Variants in DYSF observed in about 807,000 individuals in gnomAD.
DYSF encodes dystrophy-associated fer-1-like 1.
DYSF carries 212 observed loss-of-function variants against 274.9 expected under a neutral mutation model. The ratio of observed to expected loss-of-function variants is 0.77; its 90% confidence interval spans 0.69 to 0.86. The LOEUF (loss-of-function observed/expected upper bound fraction) is 0.86. Among genes scored for constraint, DYSF ranks in the 40% least tolerant of loss-of-function variants. DYSF has a pLI of 0.00. For synonymous variants in DYSF, 1,091 were observed against 1,078.7 expected, an observed-to-expected ratio of 1.01 and a Z score of -0.22; for missense variants, 2,666 against 2,783.2, an observed-to-expected ratio of 0.96 and a Z score of 0.95.
chr2:71,567,877 T>C, intron 24 of DYSF, 74 bp from the exon 25 acceptor site: 1 of 1,590,056 alleles, frequency 6.3e-7, no homozygotes, highest in Non-Finnish European at 8.6e-7. Context: ...GGAGGACTCC[T>C]CCTCCCCAGC....
chr2:71,526,415 C>CGGGGGGGGGGGGGGGGGGGG, intron 13 of DYSF, 69 bp downstream of exon 13: 1 of 411,244 alleles, frequency 2.4e-6, no homozygotes, highest in East Asian at 8.3e-5. Context: ...TGGGGGTGGG[C>CGGGGGGGGGGGGGGGGGGGG]GATGGCGGGC....
At chr2:71,622,135 T>TTTTTG (rs2094120617) in intron 41 of DYSF, among the ~76,000 whole-genome samples, 1 of 138,612 alleles carries the variant, frequency 7.2e-6, no homozygotes, top group Non-Finnish European at 1.6e-5. Flanking sequence ...TCTTTGTTTT[T>TTTTTG]TTTTTTTTTT....
intron 29 of DYSF, among the ~76,000 whole-genome samples, chr2:71,572,294 C>T (rs2092537896): frequency 6.6e-6 from 1 of 150,766 alleles, no homozygotes; most frequent in Non-Finnish European, 1.5e-5. Flanking sequence ...CTAGCACACC[C>T]ACAGATCACA....
intron 1 of DYSF, among the ~76,000 whole-genome samples, chr2:71,469,783 A>C (rs1214886791): frequency 6.6e-6 from 1 of 152,232 alleles, no homozygotes; most frequent in South Asian, 2.1e-4. Flanking sequence ...TAAAACTACC[A>C]TGAGTAACTG....
At chr2:71,612,373 C>T (rs1051605139) in intron 38 of DYSF, among the ~76,000 whole-genome samples, 123 of 152,230 alleles carry the variant, frequency 8.1e-4, no homozygotes, top group Non-Finnish European at 6.6e-4. Context: ...AGTGAGGGAG[C>T]GCAGCCTCGT....
At chr2:71,578,487 A>G (rs1301253668) in intron 30 of DYSF, among the ~76,000 whole-genome samples, 1 of 152,170 alleles carries the variant, frequency 6.6e-6, no homozygotes, top group Non-Finnish European at 1.5e-5. Context: ...TGTCTGATCA[A>G]GAAGAGAGAT....
In DYSF at chr2:71,618,045, TGTGTGTGTGTGTGGTAGAGATGGG is replaced by T. The variant is rs1315375412; in HGVS notation, c.4465-2490_4465-2467del. ...GTGTGTGTGTGGTAGAGATGGTGTG[TGTGTGTGTGTGTGGTAGAGATGGG>T]GTGTGTGTGTGGTAGAGATGGGGTG... On this transcript the variant is annotated intron_variant, in intron 40 of 55. Transcript: ENST00000410020. Among the ~76,000 whole-genome samples, 5 of 101,864 alleles carry T rather than the reference TGTGTGTGTGTGTGGTAGAGATGGG, an allele frequency of 4.9e-5. 1 individual carries two copies. Among genetic ancestry groups the T allele is most frequent in the East Asian group, 3.5e-4 (1 of 2,846 alleles). The allele number at this position is 101,864 out of a possible 152,430, so 66.8% of individuals were successfully genotyped here. A position where few individuals can be genotyped will look rare whatever the true frequency, so the allele number is the denominator to read the frequency against.
chr2:71,506,273 C>T (rs1464599790), intron 4 of DYSF, among the ~76,000 whole-genome samples: 1 of 152,126 alleles, frequency 6.6e-6, no homozygotes, highest in Non-Finnish European at 1.5e-5. Context: ...AGGGTCACAG[C>T]CAGGGAGGGT....
Position 71,611,532 on chromosome 2 carries a change from T to A in DYSF, c.4127T>A (p.Val1376Glu), listed in dbSNP as rs2093761818. The change falls in exon 38 of 56, where the codon GTG (valine) becomes GAG (glutamate). Residue 1376 changes from valine (V) to glutamate (E), a missense_variant. This residue lies in a region of DYSF where 1,460 missense variants were observed against 1,502.1 expected (regional missense o/e 0.97). Transcript: ENST00000410020. Reference protein sequence around the residue: ...QLANISSPSLVVECGGQTVQS... With the variant: ...QLANISSPSLEVECGGQTVQS... ...GCCAACATCTCCTCCCCCAGCCTCG[T>A]GGTAGAGTGTGGGGGCCAGACGGTG... 30 of 1,613,666 alleles carry A rather than the reference T, an allele frequency of 1.9e-5. No individual in the cohort carries two copies. The highest frequency in any genetic ancestry group is 2.5e-5 in the Non-Finnish European group (29 of 1,179,874).
chr2:71,681,859 T>C (rs893856144), intron 54 of DYSF, among the ~76,000 whole-genome samples: 1 of 152,226 alleles, frequency 6.6e-6, no homozygotes, highest in Non-Finnish European at 1.5e-5. Context: ...ACCGTGTGCC[T>C]GAGTGCCATG....
chr2:71,598,787 G>A (rs750342257), intron 33 of DYSF, 42 bp downstream of exon 33: 3 of 1,602,244 alleles, frequency 1.9e-6, no homozygotes, highest in Admixed American at 3.3e-5. Context: ...CACAGGGAGG[G>A]ACCATGTGCA....
chr2:71,567,623 T>C (rs779490804), intron 24 of DYSF, among the ~76,000 whole-genome samples: 6 of 151,910 alleles, frequency 3.9e-5, no homozygotes, highest in Non-Finnish European at 8.8e-5. Context: ...CAGAAGAAAA[T>C]GGAAGCGAGG....
intron 41 of DYSF, among the ~76,000 whole-genome samples, chr2:71,641,480 G>T (rs1397627658): frequency 6.6e-6 from 1 of 152,096 alleles, no homozygotes; most frequent in African/African-American, 2.4e-5. Context: ...ATGGTCTTTT[G>T]AAATCTTGCT....
At chr2:71,661,051 A>G (rs1262508631) in intron 45 of DYSF, among the ~76,000 whole-genome samples, 1 of 146,744 alleles carries the variant, frequency 6.8e-6, no homozygotes, top group Non-Finnish European at 1.5e-5. Flanking sequence ...TAGGAGTTTG[A>G]GCTTACAGTG....
At chr2:71,660,073 AC>A (rs1222050979) in intron 44 of DYSF, among the ~76,000 whole-genome samples, 1 of 152,160 alleles carries the variant, frequency 6.6e-6, no homozygotes, top group African/African-American at 2.4e-5. Flanking sequence ...CTGATGCTAG[AC>A]TAACCCTGGG....
Position 71,526,189 on chromosome 2 carries a change from A to T in DYSF, c.1150-31A>T, listed in dbSNP as rs373582455. On this transcript the variant is annotated intron_variant, in intron 12 of 55. Transcript: ENST00000410020. The stretch of plus-strand genomic sequence containing the variant: ...AGTAAAACCCTGTGCTCAGGAGCGC[A>T]TGAAGGAATCGTATTTGGTTTTCTT... 2.1e-5 allele frequency: 34 copies of T among 1,614,210 alleles called. No homozygotes were observed. In the African/African-American group the frequency reaches 4.3e-4, roughly 20 times the overall value.
intron 16 of DYSF, among the ~76,000 whole-genome samples, chr2:71,537,522 G>A (rs1338272926): frequency 6.6e-6 from 1 of 152,028 alleles, no homozygotes; most frequent in Non-Finnish European, 1.5e-5. Context: ...CTGGGATTAT[G>A]GGCGTGAGCC....
intron 45 of DYSF, among the ~76,000 whole-genome samples, chr2:71,662,807 GTGTGGTGT>G (rs1486409191): frequency 1.4e-5 from 2 of 147,812 alleles, no homozygotes; most frequent in African/African-American, 5.2e-5. Context: ...GTGTGTCTGT[GTGTGGTGT>G]GTGTATATGT....
At chr2:71,571,380 C>G (rs889250279) in intron 29 of DYSF, among the ~76,000 whole-genome samples, 3 of 145,446 alleles carry the variant, frequency 2.1e-5, no homozygotes, top group African/African-American at 7.7e-5. Context: ...ATGCACAGAT[C>G]ACAGTCAGCA....
Sources: gnomAD v4.1 joint callset for allele counts (sites outside exome capture counted in the v4.1 genomes callset) on GRCh38, gnomAD v4.1.1 for gene constraint, gnomAD v4.1.1 regional missense constraint, MANE v1.5 for transcripts, NCBI Gene and HGNC (gene_info 2026-07-23, HGNC 2026-07-21) for gene names.